The following ERICH1 variants were observed in gnomAD, a reference collection of about 807,000 sequenced individuals.
ERICH1 encodes glutamate rich 1.
In ERICH1, 56 loss-of-function variants were observed where a neutral mutation model predicts 39.6. The ratio of observed to expected loss-of-function variants is 1.41; its 90% CI spans 1.14 to 1.77. The LOEUF (loss-of-function observed/expected upper bound fraction) is 1.77. Among genes scored for constraint, ERICH1 ranks in the 40% most tolerant of loss-of-function variants. ERICH1 has a pLI of 0.00. For synonymous variants in ERICH1, 313 were observed against 223.6 expected (o/e 1.40, Z -3.57); for missense variants, 826 against 575.4 (o/e 1.44, Z -4.45).
At chr8:668,357 C>G in intron 5 of ERICH1, 5 of 549,210 alleles carry the variant, frequency 9.1e-6, no homozygotes, top group Non-Finnish European at 1.6e-5. Context: ...CAAGAGTTGA[C>G]AGCTCCCAAG....
chr8:703,192 T>C, intron 2 of ERICH1, among the ~76,000 whole-genome samples: 1 of 152,036 alleles, frequency 6.6e-6, no homozygotes, highest in African/African-American at 2.4e-5. Context: ...TGCACAGAAA[T>C]GAACCCATCC....
chr8:616,421 C>A, intron 3 of ERICH1: 1 of 417,314 alleles, frequency 2.4e-6, no homozygotes, highest in Non-Finnish European at 4.8e-6. Context: ...GCTGACCGAA[C>A]CCCGCACACC....
intron 2 of ERICH1, among the ~76,000 whole-genome samples, chr8:697,981 G>A (rs1286015669): frequency 3.9e-5 from 6 of 152,130 alleles, no homozygotes; most frequent in South Asian, 2.1e-4. Context: ...TCTGGGGCTG[G>A]GCCCAGGTTG....
At chr8:627,514 C>T (rs1563165060) in intron 3 of ERICH1, among the ~76,000 whole-genome samples, 1 of 152,230 alleles carries the variant, frequency 6.6e-6, no homozygotes, top group Admixed American at 6.5e-5. Flanking sequence ...CCATCATTTT[C>T]CACACCAGGC....
chr8:699,654 CACAG>C (rs1369665914), intron 2 of ERICH1, among the ~76,000 whole-genome samples: 2 of 152,190 alleles, frequency 1.3e-5, no homozygotes, highest in African/African-American at 2.4e-5. Context: ...TGAAAGCACA[CACAG>C]GAGCACGTAC....
chr8:708,682 T>G (rs1022617160), intron 2 of ERICH1, among the ~76,000 whole-genome samples: 2 of 27,912 alleles, frequency 7.2e-5, no homozygotes, highest in African/African-American at 2.6e-4. Context: ...GGATAATGAG[T>G]TTTTTTTTTT....
At chr8:679,791 G>C (rs187486362) in intron 3 of ERICH1, among the ~76,000 whole-genome samples, 19 of 152,342 alleles carry the variant, frequency 1.2e-4, no homozygotes, top group Non-Finnish European at 2.4e-4. Flanking sequence ...CAGGGCACCA[G>C]GGAGACAACG....
intron 3 of ERICH1, among the ~76,000 whole-genome samples, chr8:618,915 G>T (rs1797103774): frequency 6.6e-6 from 1 of 152,128 alleles, no homozygotes; most frequent in African/African-American, 2.4e-5. Context: ...CCTCCCAGAA[G>T]ACAATCATTT....
At chr8:660,346 C>T (rs1801237631), downstream of ERICH1, among the ~76,000 whole-genome samples, 1 of 152,226 alleles carries the variant, frequency 6.6e-6, no homozygotes, top group Non-Finnish European at 1.5e-5. Context: ...CAAATGACAT[C>T]TTTAAAAAGA....
At chr8:690,111 G>C (rs1808575223) in intron 3 of ERICH1, among the ~76,000 whole-genome samples, 1 of 152,200 alleles carries the variant, frequency 6.6e-6, no homozygotes, top group Non-Finnish European at 1.5e-5. Context: ...GTACGTGCAT[G>C]TTTCTGTCTA....
At chr8:697,435 C>G (rs1398117547) in intron 2 of ERICH1, among the ~76,000 whole-genome samples, 3 of 152,196 alleles carry the variant, frequency 2.0e-5, no homozygotes, top group Non-Finnish European at 4.4e-5. Flanking sequence ...CGTCATCCTG[C>G]TGCATGCCCA....
intron 3 of ERICH1, among the ~76,000 whole-genome samples, chr8:635,381 C>T (rs879494765): frequency 1.3e-5 from 2 of 152,198 alleles, no homozygotes; most frequent in African/African-American, 4.8e-5. Flanking sequence ...GCCTGAGCTT[C>T]CCTCCAAAGT....
intron 2 of ERICH1, among the ~76,000 whole-genome samples, chr8:708,114 T>C (rs1365840548): frequency 2.1e-5 from 3 of 143,364 alleles, no homozygotes; most frequent in African/African-American, 5.2e-5. Flanking sequence ...GGGTGGCTAT[T>C]ATCTAAAAAA....
At chr8:618,354 C>T (rs953042370) in intron 3 of ERICH1, among the ~76,000 whole-genome samples, 4 of 145,516 alleles carry the variant, frequency 2.7e-5, no homozygotes, top group South Asian at 2.3e-4. Context: ...TTTGAGTGCT[C>T]GTACTTGGTC....
At position 673,329 on chromosome 8, in the gene ERICH1, T is replaced by C. The variant is rs1434858144; in HGVS notation, c.1023A>G (p.Leu341=). 1 of 1,612,022 alleles carries C rather than the reference T, an allele frequency of 6.2e-7. No individual in the cohort carries two copies. The highest frequency in any genetic ancestry group is 8.5e-7 in the Non-Finnish European group (1 of 1,178,342). The change falls in exon 4 of 6, where the codon CTA becomes CTG. Residue 341 remains leucine, a synonymous_variant. Coordinates refer to ENST00000262109, the MANE Select transcript of ERICH1 (RefSeq NM_207332.3). ...TITNEKAHSI[L]NFLKSTQEMY... is the part of the protein sequence containing the mutation. ...TTTCCTGTGTTGACTTCAAAAAATT[T>C]AGAATACTGTGTGCCTTTTCATTGG...
chr8:702,662 C>T (rs1231453874), intron 2 of ERICH1, among the ~76,000 whole-genome samples: 1 of 152,248 alleles, frequency 6.6e-6, no homozygotes, highest in Non-Finnish European at 1.5e-5. Flanking sequence ...CACTCAGCAC[C>T]AGGTTCCGTG....
intron 1 of ERICH1, among the ~76,000 whole-genome samples, chr8:719,491 C>T (rs1479836659): frequency 3.9e-5 from 6 of 152,230 alleles, no homozygotes; most frequent in African/African-American, 1.2e-4. Context: ...CGCGGTCGCC[C>T]GCAGGTGCTG....
intron 3 of ERICH1, among the ~76,000 whole-genome samples, chr8:681,165 G>A (rs949016110): frequency 1.3e-5 from 2 of 152,186 alleles, no homozygotes; most frequent in Non-Finnish European, 2.9e-5. Context: ...TCAACTGGGG[G>A]TTTGACAGCA....
intron 3 of ERICH1, among the ~76,000 whole-genome samples, chr8:631,135 G>A (rs143693050): frequency 5.3e-5 from 8 of 152,348 alleles, no homozygotes; most frequent in Non-Finnish European, 1.0e-4. Flanking sequence ...ACCCACATGA[G>A]GCAGAGGTGA....
Sources: gnomAD v4.1 joint callset for allele counts (sites outside exome capture counted in the v4.1 genomes callset) on GRCh38, gnomAD v4.1.1 for gene constraint, MANE v1.5 for transcripts, NCBI Gene and HGNC (gene_info 2026-07-23, HGNC 2026-07-21) for gene names.